The following ATG9B variants were observed in gnomAD, a reference collection of about 807,000 sequenced individuals.
ATG9B encodes autophagy related 9B, also known as autophagy-related protein 9B.
ATG9B carries 92 observed loss-of-function variants against 92.9 expected under a neutral mutation model. That is an observed-to-expected ratio of 0.99 (90% CI 0.84 to 1.18). The LOEUF (loss-of-function observed/expected upper bound fraction) is 1.18, where lower values mean the gene tolerates loss of function less well. Ranked by LOEUF, ATG9B falls within the 50% of genes most tolerant of loss-of-function variation. The pLI is 0.00. For missense variants in ATG9B, 1,344 were observed against 1,235.0 expected (o/e 1.09, Z -1.32); for synonymous variants, 599 against 551.4 (o/e 1.09, Z -1.21).
At position 151,018,522 on chromosome 7, in the gene ATG9B, C is replaced by T. The variant is rs964046473; in HGVS notation, c.1719-75G>A. The T allele has an allele frequency of 2.6e-6, 4 of 1,520,614 alleles. No individual in the cohort carries two copies. The highest frequency in any genetic ancestry group is 3.5e-6 in the Non-Finnish European group (4 of 1,136,448). 94.2% of individuals were successfully genotyped at this position (1,520,614 alleles called of 1,614,324 possible). ...GCGGTGGGATGTAGGGCTAGAGGGC[C>T]CCAGTGGTGGGAGAGGTAAGGATTC... On this transcript the variant is annotated intron_variant, in intron 6 of 13. Coordinates refer to ENST00000639579, the MANE Select transcript of ATG9B (RefSeq NM_001317056.2). This position sits in a 1 kb window ranked among gnomAD's most constrained non-coding sequence, Gnocchi z 4.7.
chr7:151,023,314 C>T, intron 3 of ATG9B, 108 bp from the exon 4 acceptor site: 1 of 1,597,918 alleles, frequency 6.3e-7, no homozygotes, highest in South Asian at 1.1e-5. Context: ...CCTGACCCTG[C>T]CCCTGCTGAG....
chr7:151,018,221 C>T lies in ATG9B; in HGVS notation c.1872+73G>A. On this transcript the variant is annotated intron_variant, in intron 7 of 13. Transcript: ENST00000639579. The surrounding 1 kb of genome is among the most constrained non-coding windows in gnomAD (Gnocchi z 4.7). ...TCATGCCCTCTCCCAGACAGACCCT[C>T]CGCGCAGACAGACCCTCCGCGCAGA... 1 of 1,486,518 alleles carries T rather than the reference C, an allele frequency of 6.7e-7. No homozygotes were observed. The highest frequency in any genetic ancestry group is 8.9e-7 in the Non-Finnish European group (1 of 1,127,712). 92.1% of individuals were successfully genotyped at this position (1,486,518 alleles called of 1,614,324 possible). A position where few individuals can be genotyped will look rare whatever the true frequency, so the allele number is the denominator to read the frequency against.
chr7:151,018,458 G>A lies in ATG9B; in HGVS notation c.1719-11C>T, dbSNP rs780183373. 7 of 1,522,278 alleles carry A rather than the reference G, an allele frequency of 4.6e-6. No homozygotes were observed. Among genetic ancestry groups the A allele is most frequent in the Non-Finnish European group, 6.2e-6 (7 of 1,136,014 alleles). 94.3% of individuals were successfully genotyped at this position (1,522,278 alleles called of 1,614,324 possible). ...TCCGGAATGAAAGACCTGAAAGGCG[G>A]GATCCGTGGGGGGAAGGGGCCTGCG... On this transcript the variant is annotated splice_polypyrimidine_tract_variant and intron_variant, in intron 6 of 13. Transcript: ENST00000639579. The surrounding 1 kb of genome is among the most constrained non-coding windows in gnomAD (Gnocchi z 4.7).
Position 151,016,123 on chromosome 7 carries a change from G to C in ATG9B, c.2633C>G (p.Ser878Cys), listed in dbSNP as rs1563243849. 6.5e-7 allele frequency: 1 copy of C among 1,539,340 alleles called. No homozygotes were observed. The highest frequency in any genetic ancestry group is 8.8e-7 in the Non-Finnish European group (1 of 1,139,794). ...QPPSPDEEKP[S>C]WSSDGSSPAS... ...ACCCTCCTCACCGTCACTTGACCAG[G>C]ATGGCTTCTCCTCATCAGGCGAGGG... The change falls in exon 12 of 14, where the codon TCC becomes TGC. Residue 878 changes from serine (S) to cysteine (C), a missense_variant. Ser to Cys is a moderately radical substitution (Grantham distance 112). Transcript: ENST00000639579.
chr7:151,019,672 T>C (rs1795676814), intron 5 of ATG9B, among the ~76,000 whole-genome samples: 2 of 152,234 alleles, frequency 1.3e-5, no homozygotes, highest in African/African-American at 4.8e-5. Flanking sequence ...CTCCAGGTGC[T>C]GGACCTGGCT....
Position 151,017,913 on chromosome 7 carries a change from A to C in ATG9B, c.2010T>G (p.Cys670Trp). 6.2e-7 allele frequency: 1 copy of C among 1,610,546 alleles called. No individual in the cohort carries two copies. The highest frequency in any genetic ancestry group is 8.5e-7 in the Non-Finnish European group (1 of 1,178,492). ...GCTTCACATCCATAAGGGCAAAGGA[A>C]CAGATGTCCCCAACCCCAGCCACAT... ...TVDVAGVGDI[C>W]SFALMDVKRH... is the part of the protein sequence containing the mutation. The change falls in exon 8 of 14, where the codon TGT (cysteine) becomes TGG (tryptophan). Residue 670 changes from cysteine to tryptophan, a missense_variant. Cys to Trp is a radical substitution (Grantham distance 215). Transcript: ENST00000639579.
At chr7:151,013,715 GC>G, downstream of ATG9B, 1 of 1,404,092 alleles carries the variant, frequency 7.1e-7, no homozygotes. Context: ...TAACCCCGCC[GC>G]CCCGCAGACC....
rs770368353 is a variant in ATG9B, at chr7:151,024,061, G to C, written c.363C>G (p.Pro121=). 6.3e-7 allele frequency: 1 copy of C among 1,593,974 alleles called. No individual in the cohort carries two copies. The highest frequency in any genetic ancestry group is 8.5e-7 in the Non-Finnish European group (1 of 1,170,698). Residue 121 remains proline, a synonymous_variant, in exon 1 of 14, where the codon CCC becomes CCG. Coordinates refer to ENST00000639579, the MANE Select transcript of ATG9B (RefSeq NM_001317056.2). ...SPSWGSHSTP[P]LAPATPTPSQ... ...AGGGAGTGGGGGTTGCCGGGGCCAG[G>C]GGTGGGGTGGAGTGGGATCCCCAGG...
chr7:151,023,745 G>A lies in ATG9B; in HGVS notation c.551-15C>T. 1.2e-6 allele frequency: 2 copies of A among 1,613,996 alleles called. No individual in the cohort carries two copies. The highest frequency in any genetic ancestry group is 1.7e-6 in the Non-Finnish European group (2 of 1,179,994). ...ATGCCAGGAGCCTGGGCACAGAGGG[G>A]AGAGTGTCAGCCCCTGGCATGTGAT... On this transcript the variant is annotated splice_polypyrimidine_tract_variant and intron_variant, in intron 1 of 13. Coordinates refer to ENST00000639579, the MANE Select transcript of ATG9B (RefSeq NM_001317056.2).
At position 151,018,360 on chromosome 7, in the gene ATG9B, C is replaced by G. The variant is rs749994089; in HGVS notation, c.1806G>C (p.Glu602Asp). The change falls in exon 7 of 14, where the codon GAG becomes GAC. Residue 602 changes from glutamate to aspartate, a missense_variant. Physicochemically the swap from Glu to Asp is conservative, Grantham distance 45 (BLOSUM62 2). Transcript: ENST00000639579. The surrounding 1 kb of genome is among the most constrained non-coding windows in gnomAD (Gnocchi z 4.7). ...TALAHMHYLPEEPGPGGRDRA... is the reference protein window; with the variant it reads ...TALAHMHYLPDEPGPGGRDRA... ...GGTCCCTGCCGCCGGGGCCGGGCTC[C>G]TCCGGGAGGTAGTGCATGTGGGCCA... 5.0e-6 allele frequency: 8 copies of G among 1,599,578 alleles called. No individual in the cohort carries two copies. In the East Asian group the frequency reaches 1.3e-4, roughly 27 times the overall value.
intron 4 of ATG9B, among the ~76,000 whole-genome samples, chr7:151,022,166 G>A (rs1036184638): frequency 6.7e-5 from 10 of 148,594 alleles, no homozygotes; most frequent in African/African-American, 2.5e-4. Context: ...GGAAGGTTGT[G>A]AAGGCAACAA....
chr7:151,021,113 C>A, intron 5 of ATG9B, 75 bp downstream of exon 5: 1 of 1,555,908 alleles, frequency 6.4e-7, no homozygotes. Context: ...TCCACCTGTA[C>A]AGTCCCACTT....
Position 151,016,405 on chromosome 7 carries a change from TCTCCTTTGGGCACCCCTCTA to T in ATG9B, c.2520+6_2520+25del. 6.5e-7 allele frequency: 1 copy of T among 1,547,360 alleles called. No individual in the cohort carries two copies. The highest frequency in any genetic ancestry group is 8.7e-7 in the Non-Finnish European group (1 of 1,143,704). Reference sequence around the variant, plus strand: ...TGTTCACCTGCCTTCTCTCCACATTTCTCCTTTGGGCACCCCTCTACTCACCTGGTGCAGGTAGATGACAT... The same window carrying T: ...TGTTCACCTGCCTTCTCTCCACATTTCTCACCTGGTGCAGGTAGATGACAT... On this transcript the variant is annotated splice_donor_region_variant and intron_variant, in intron 11 of 13. Coordinates refer to ENST00000639579, the MANE Select transcript of ATG9B (RefSeq NM_001317056.2).
intron 5 of ATG9B, among the ~76,000 whole-genome samples, chr7:151,020,555 G>A (rs940869307): frequency 2.0e-5 from 3 of 152,220 alleles, no homozygotes; most frequent in Non-Finnish European, 4.4e-5. Flanking sequence ...ACCTCCCAGG[G>A]GAGCAAGGGA....
At chr7:151,014,487 C>T (rs1563239480), downstream of ATG9B, 1 of 366,958 alleles carries the variant, frequency 2.7e-6, no homozygotes, top group South Asian at 7.6e-5. Flanking sequence ...AGTATCTTAC[C>T]TGTAAAGTCT....
downstream of ATG9B, chr7:151,013,283 T>C (rs1795347075): frequency 1.2e-6 from 2 of 1,614,008 alleles, no homozygotes; most frequent in Non-Finnish European, 1.7e-6. Context: ...GCTCCCAACT[T>C]GACCATCTCT....
Position 151,018,747 on chromosome 7 carries a change from G to T in ATG9B, c.1591C>A (p.Leu531Ile). Reference sequence around the variant, plus strand: ...AAGAGTGCACCCGCGAAGAAAACGAGCTGGCGGGCCAGCAGCGTGCGCAGG... The same window carrying T: ...AAGAGTGCACCCGCGAAGAAAACGATCTGGCGGGCCAGCAGCGTGCGCAGG... ...APLRTLLARQ[L>I]VFFAGALFAA... The change falls in exon 6 of 14, where the codon CTC (leucine) becomes ATC (isoleucine). Residue 531 changes from leucine to isoleucine, a missense_variant. Leu to Ile is a conservative substitution (Grantham distance 5). Transcript: ENST00000639579. The surrounding 1 kb of genome is among the most constrained non-coding windows in gnomAD (Gnocchi z 4.7). 6.4e-7 allele frequency: 1 copy of T among 1,569,816 alleles called. No individual in the cohort carries two copies. Among genetic ancestry groups the T allele is most frequent in the Non-Finnish European group, 8.6e-7 (1 of 1,163,306 alleles).
At position 151,018,639 on chromosome 7, in the gene ATG9B, C is replaced by A. The variant is rs1308034150; in HGVS notation, c.1699G>T (p.Val567Phe). Reference sequence around the variant, plus strand: ...TCGCACCTGGCGACGGTGGCGGTGACCCCGAGCGCGGTCATGGCGGTGAGC... The same window carrying A: ...TCGCACCTGGCGACGGTGGCGGTGAACCCGAGCGCGGTCATGGCGGTGAGC... ...HVLTAMTALG[V>F]TATVARSFIP... is the part of the protein sequence containing the mutation. Residue 567 changes from valine to phenylalanine, a missense_variant, in exon 6 of 14, where the codon GTC becomes TTC. Transcript: ENST00000639579. This position sits in a 1 kb window ranked among gnomAD's most constrained non-coding sequence, Gnocchi z 4.7. 6.2e-7 allele frequency: 1 copy of A among 1,606,390 alleles called. No individual in the cohort carries two copies. Among genetic ancestry groups the A allele is most frequent in the East Asian group, 2.2e-5 (1 of 44,486 alleles).
At position 151,016,148 on chromosome 7, in the gene ATG9B, G is replaced by A. The variant is rs1460663518; in HGVS notation, c.2608C>T (p.Pro870Ser). Residue 870 changes from proline to serine, a missense_variant, in exon 12 of 14, where the codon CCC (proline) becomes TCC (serine). Transcript: ENST00000639579. ...GATGGCTTCTCCTCATCAGGCGAGG[G>A]TGGCTGTGAGGGGCTGGAGCAGGGC... ...SRPCSSPSQP[P>S]SPDEEKPSWS... 1.4e-5 allele frequency: 21 copies of A among 1,540,920 alleles called. No homozygotes were observed. The highest frequency in any genetic ancestry group is 1.8e-5 in the Non-Finnish European group (21 of 1,140,618).
Sources: gnomAD v4.1 joint callset for allele counts (sites outside exome capture counted in the v4.1 genomes callset) on GRCh38, gnomAD v4.1.1 for gene constraint, Gnocchi (gnomAD v3.1) non-coding constraint, MANE v1.5 for transcripts, NCBI Gene and HGNC (gene_info 2026-07-23, HGNC 2026-07-21) for gene names.